Variants in MAN1A2 observed in about 807,000 individuals in gnomAD.
MAN1A2 encodes mannosidase alpha class 1A member 2.
In MAN1A2, 26 loss-of-function variants were observed where a neutral mutation model predicts 75.7. That is an observed-to-expected ratio of 0.34 (90% CI 0.25 to 0.48). The LOEUF (loss-of-function observed/expected upper bound fraction) is 0.48. Among genes scored for constraint, MAN1A2 ranks in the 20% least tolerant of loss-of-function variants. The probability of loss-of-function intolerance (pLI) is 0.99; values close to 1 mark genes in which losing one functional copy is unlikely to be tolerated. For synonymous variants in MAN1A2, 247 were observed against 264.6 expected (o/e 0.93, Z 0.65); for missense variants, 562 against 775.5 (o/e 0.72, Z 3.27).
chr1:117,507,036 T>A (rs1651396518), intron 12 of MAN1A2, among the ~76,000 whole-genome samples: 1 of 151,646 alleles, frequency 6.6e-6, no homozygotes, highest in Non-Finnish European at 1.5e-5. Context: ...ATGTAAGATT[T>A]GGCATATTTG....
rs560442966 is a variant in MAN1A2 at position 117,402,454 on chromosome 1, G to A, written c.558+13G>A. 3.2e-6 allele frequency: 5 copies of A among 1,580,642 alleles called. No individual in the cohort carries two copies. In the East Asian group the frequency reaches 6.7e-5, roughly 21 times the overall value. The stretch of plus-strand genomic sequence containing the variant: ...AAAAATTAAAGAGGTAATAAGCTGA[G>A]TTTTGTGATATGGAGTGTTTATGGA... On this transcript the variant is annotated intron_variant, in intron 2 of 12. Transcript: ENST00000356554.
intron 7 of MAN1A2, among the ~76,000 whole-genome samples, chr1:117,464,246 C>T (rs1288315406): frequency 1.3e-5 from 2 of 151,126 alleles, no homozygotes; most frequent in African/African-American, 4.9e-5. Flanking sequence ...TACTCCCCAG[C>T]TACTTGGGAG....
chr1:117,473,298 C>T (rs924152660), intron 8 of MAN1A2, among the ~76,000 whole-genome samples: 1 of 151,922 alleles, frequency 6.6e-6, no homozygotes, highest in African/African-American at 2.4e-5. Context: ...TCTGTTCTGT[C>T]TGCCTTTGAA....
intron 6 of MAN1A2, among the ~76,000 whole-genome samples, chr1:117,444,825 A>T (rs1229575482): frequency 4.6e-5 from 7 of 152,010 alleles, no homozygotes; most frequent in Non-Finnish European, 1.0e-4. Context: ...CATAAGTTTT[A>T]AGCTTATATA....
intron 1 of MAN1A2, among the ~76,000 whole-genome samples, chr1:117,399,403 T>G (rs1419771158): frequency 1.3e-5 from 2 of 152,230 alleles, no homozygotes; most frequent in African/African-American, 4.8e-5. Flanking sequence ...CCATTTGTCA[T>G]CAGGACAGAA....
chr1:117,499,650 A>G (rs989381365), intron 11 of MAN1A2, 96 bp downstream of exon 11: 6 of 924,436 alleles, frequency 6.5e-6, no homozygotes, highest in African/African-American at 1.7e-5. Context: ...CATTTTTAGT[A>G]TCTGTAGGGC....
chr1:117,450,023 A>T (rs1025232849), intron 6 of MAN1A2, among the ~76,000 whole-genome samples: 8 of 152,216 alleles, frequency 5.3e-5, no homozygotes, highest in African/African-American at 1.7e-4. Flanking sequence ...ATGCCTGAAA[A>T]TGTGGAACAA....
chr1:117,422,092 T>C (rs1236940053), intron 5 of MAN1A2, among the ~76,000 whole-genome samples: 1 of 152,138 alleles, frequency 6.6e-6, no homozygotes, highest in Non-Finnish European at 1.5e-5. Context: ...ACAGTAAAAT[T>C]CAGTATATAG....
chr1:117,372,307 A>G (rs1449699029), intron 1 of MAN1A2, among the ~76,000 whole-genome samples: 2 of 152,192 alleles, frequency 1.3e-5, no homozygotes, highest in African/African-American at 2.4e-5. Context: ...GTGTTAAACT[A>G]TTAAGTTTCA....
chr1:117,387,007 A>G (rs142266673), intron 1 of MAN1A2, among the ~76,000 whole-genome samples: 215 of 152,252 alleles, frequency 1.4e-3, no homozygotes, highest in Non-Finnish European at 2.5e-3. Flanking sequence ...ATTAATATCC[A>G]GAATATATAA....
At chr1:117,480,558 A>G (rs1462433024) in intron 8 of MAN1A2, among the ~76,000 whole-genome samples, 1 of 151,838 alleles carries the variant, frequency 6.6e-6, no homozygotes. Flanking sequence ...AAAAAAGTCA[A>G]TTCCTATTAT....
rs1275841796 is a variant in MAN1A2 at position 117,518,025 on chromosome 1, G to A, written c.1794-4800G>A. The stretch of plus-strand genomic sequence containing the variant: ...TGGAAAGACTTAAAGTAATTTTACA[G>A]AGGATCTTTATATCATGACAGTTCA... On this transcript the variant is annotated intron_variant, in intron 12 of 12. Transcript: ENST00000356554. 3.9e-5 allele frequency among the ~76,000 whole-genome samples: 6 copies of A among 151,934 alleles called. No homozygotes were observed. In the South Asian group the frequency reaches 1.2e-3, roughly 31 times the overall value.
At chr1:117,411,724 C>T (rs754168439) in intron 3 of MAN1A2, among the ~76,000 whole-genome samples, 14 of 151,648 alleles carry the variant, frequency 9.2e-5, no homozygotes, top group Non-Finnish European at 1.6e-4. Context: ...ATATGAATAG[C>T]CAGTAAGCAC....
chr1:117,413,713 G>T (rs947511539), intron 3 of MAN1A2, among the ~76,000 whole-genome samples: 2 of 151,910 alleles, frequency 1.3e-5, no homozygotes, highest in African/African-American at 4.8e-5. Flanking sequence ...AATTCATGTT[G>T]TTGAAGACAA....
At position 117,410,458 on chromosome 1, in the gene MAN1A2, A is replaced by G. The variant is rs545351168; in HGVS notation, c.656-4255A>G. Among the ~76,000 whole-genome samples the G allele has an allele frequency of 1.1e-3, 161 of 151,976 alleles. 2 individuals are homozygous for G. The highest frequency in any genetic ancestry group is 5.7e-3 in the Admixed American group (87 of 15,246). On this transcript the variant is annotated intron_variant, in intron 3 of 12. Coordinates refer to ENST00000356554, the MANE Select transcript of MAN1A2 (RefSeq NM_006699.5). ...ACCTGATAAAGAGAATTTCAAAACAACAACAATAAGCAAAAAATGCAAAAT... is the reference window on the plus strand; with the variant it reads ...ACCTGATAAAGAGAATTTCAAAACAGCAACAATAAGCAAAAAATGCAAAAT...
chr1:117,496,145 G>A (rs1651030929), intron 9 of MAN1A2, among the ~76,000 whole-genome samples: 1 of 151,530 alleles, frequency 6.6e-6, no homozygotes, highest in Admixed American at 6.6e-5. Flanking sequence ...AGAAAGAAAA[G>A]TTAACCACTA....
chr1:117,454,757 G>A (rs1380986910), intron 6 of MAN1A2, among the ~76,000 whole-genome samples: 1 of 152,062 alleles, frequency 6.6e-6, no homozygotes, highest in Admixed American at 6.6e-5. Flanking sequence ...ATAATAACTC[G>A]CATAGTGGGG....
intron 12 of MAN1A2, among the ~76,000 whole-genome samples, chr1:117,520,312 T>A (rs1410272402): frequency 6.6e-6 from 1 of 151,942 alleles, no homozygotes; most frequent in Non-Finnish European, 1.5e-5. Flanking sequence ...GCACTGGAAG[T>A]CCTAGCCAGA....
chr1:117,479,606 T>C (rs1650427974), intron 8 of MAN1A2, among the ~76,000 whole-genome samples: 1 of 151,886 alleles, frequency 6.6e-6, no homozygotes, highest in South Asian at 2.1e-4. Context: ...CTCACCAGCA[T>C]TTTTTATTTT....
Sources: allele counts gnomAD v4.1 joint callset (sites outside exome capture counted in the v4.1 genomes callset), GRCh38; gene constraint gnomAD v4.1.1; transcripts MANE v1.5; gene names NCBI Gene and HGNC (gene_info 2026-07-23, HGNC 2026-07-21).